The following LINGO2 variants were observed in gnomAD, a reference collection of about 807,000 sequenced individuals.
LINGO2 encodes leucine-rich repeat and immunoglobulin-like domain-containing nogo receptor-interacting protein 2.
LINGO2 carries 14 observed loss-of-function variants against 30.6 expected under a neutral mutation model. The observed-to-expected ratio is 0.46, with a 90% CI of 0.30 to 0.72. The LOEUF (loss-of-function observed/expected upper bound fraction) is 0.72. Among genes scored for constraint, LINGO2 ranks in the 30% least tolerant of loss-of-function variants. The probability of loss-of-function intolerance (pLI) is 0.07; values close to 1 mark genes in which losing one functional copy is unlikely to be tolerated. For synonymous variants in LINGO2, 317 were observed against 288.5 expected, an observed-to-expected ratio of 1.10 and a Z score of -1.00; for missense variants, 729 against 751.7, an observed-to-expected ratio of 0.97 and a Z score of 0.35.
At chr9:28,188,669 T>TA (rs1311747170) in intron 4 of LINGO2, among the ~76,000 whole-genome samples, 1 of 152,190 alleles carries the variant, frequency 6.6e-6, no homozygotes, top group Non-Finnish European at 1.5e-5. Flanking sequence ...TCTTATGTTT[T>TA]CTATAGACAA....
At chr9:28,805,153 A>T in the LINGO2 span, among the ~76,000 whole-genome samples, 1 of 152,204 alleles carries the variant, frequency 6.6e-6, no homozygotes, top group African/African-American at 2.4e-5. Flanking sequence ...TAACATGGAT[A>T]TAACATTCAG....
intron 4 of LINGO2, among the ~76,000 whole-genome samples, chr9:28,231,481 G>A (rs1391694658): frequency 6.6e-6 from 1 of 151,840 alleles, no homozygotes; most frequent in East Asian, 1.9e-4. Flanking sequence ...TTTTTAAAAG[G>A]AAGTATGAAA....
At position 28,500,060 on chromosome 9, in the gene LINGO2, G is replaced by A. The variant is rs149503473; in HGVS notation, c.-364-24035C>T. ...GCAACCTCCGTCTCTAGTTCTCACC[G>A]CTCAGGAGTCATCTGCCCTTCTCCC... On this transcript the variant is annotated intron_variant, in intron 1 of 5. Transcript: ENST00000379992. Among the ~76,000 whole-genome samples, 104 of 152,158 alleles carry A rather than the reference G, an allele frequency of 6.8e-4. 1 individual carries two copies. Among genetic ancestry groups the A allele is most frequent in the East Asian group, 4.8e-3 (25 of 5,184 alleles).
the LINGO2 span, among the ~76,000 whole-genome samples, chr9:28,943,799 G>A: frequency 2.6e-5 from 4 of 152,194 alleles, no homozygotes; most frequent in Non-Finnish European, 2.9e-5. Flanking sequence ...TAAGATGTGC[G>A]AGATGAGATG....
the LINGO2 span, among the ~76,000 whole-genome samples, chr9:29,054,051 A>G: frequency 3.3e-5 from 5 of 152,060 alleles, no homozygotes; most frequent in Admixed American, 3.3e-4. Context: ...TATCTGTGAA[A>G]TTTCTAGAAA....
intron 5 of LINGO2, among the ~76,000 whole-genome samples, chr9:28,002,093 G>A (rs374269819): frequency 2.6e-5 from 4 of 152,178 alleles, no homozygotes; most frequent in South Asian, 4.1e-4. Flanking sequence ...AACCTAGACC[G>A]ATCAATCAGA....
At chr9:27,980,207 C>A (rs776660837) in intron 5 of LINGO2, among the ~76,000 whole-genome samples, 10 of 151,908 alleles carry the variant, frequency 6.6e-5, no homozygotes, top group Non-Finnish European at 1.5e-4. Flanking sequence ...AAACACAGTT[C>A]AAGAAAGACA....
intron 4 of LINGO2, among the ~76,000 whole-genome samples, chr9:28,260,682 C>A (rs1280887532): frequency 2.6e-5 from 4 of 151,832 alleles, no homozygotes; most frequent in African/African-American, 9.7e-5. Flanking sequence ...AGAATTATAC[C>A]TATACCTGTA....
intron 4 of LINGO2, among the ~76,000 whole-genome samples, chr9:28,014,170 C>T (rs1186052105): frequency 1.3e-5 from 2 of 152,082 alleles, no homozygotes; most frequent in Non-Finnish European, 2.9e-5. Context: ...CACATGAACA[C>T]AGTTGGTGCG....
At chr9:28,572,714 A>G (rs768018702) in intron 1 of LINGO2, among the ~76,000 whole-genome samples, 25 of 152,160 alleles carry the variant, frequency 1.6e-4, no homozygotes, top group Non-Finnish European at 2.6e-4. Flanking sequence ...AAGGGGTCTG[A>G]CAGTGACTTT....
intron 4 of LINGO2, among the ~76,000 whole-genome samples, chr9:28,098,252 C>T (rs916704208): frequency 2.0e-5 from 3 of 152,114 alleles, no homozygotes; most frequent in Non-Finnish European, 2.9e-5. Context: ...TTGCAGTGAG[C>T]TGAGATCTTG....
At chr9:29,191,780 G>T in the LINGO2 span, among the ~76,000 whole-genome samples, 1 of 152,102 alleles carries the variant, frequency 6.6e-6, no homozygotes, top group Non-Finnish European at 1.5e-5. Flanking sequence ...CAGGCACAGT[G>T]CTAGGTCCCA....
chr9:28,960,012 T>A, the LINGO2 span, among the ~76,000 whole-genome samples: 1 of 152,266 alleles, frequency 6.6e-6, no homozygotes, highest in Admixed American at 6.5e-5. Flanking sequence ...AATGCTGGTG[T>A]TAAGATTTTC....
chr9:28,579,678 T>C (rs913768957), intron 1 of LINGO2, among the ~76,000 whole-genome samples: 1 of 152,084 alleles, frequency 6.6e-6, no homozygotes, highest in African/African-American at 2.4e-5. Flanking sequence ...AGGCAATATA[T>C]AACAATAAAA....
At chr9:28,582,965 T>G (rs929013644) in intron 1 of LINGO2, among the ~76,000 whole-genome samples, 1 of 151,998 alleles carries the variant, frequency 6.6e-6, no homozygotes, top group Non-Finnish European at 1.5e-5. Flanking sequence ...TGTGTATATG[T>G]GTATACACAA....
chr9:29,183,426 T>C, the LINGO2 span, among the ~76,000 whole-genome samples: 1 of 152,170 alleles, frequency 6.6e-6, no homozygotes, highest in African/African-American at 2.4e-5. Flanking sequence ...CCCAGCATCA[T>C]TTGATAGTGT....
At position 28,148,849 on chromosome 9, in the gene LINGO2, C is replaced by G; in HGVS notation, c.-86-136444G>C. On this transcript the variant is annotated intron_variant, in intron 4 of 5. Transcript: ENST00000379992. The surrounding 1 kb of genome is among the most constrained non-coding windows in gnomAD (Gnocchi z 5.1). Reference sequence around the variant, plus strand: ...TGCTGGGTAAAGACCACCTGCCCAGCTCTCCAGGCTTGCTGATGGTGGGGG... The same window carrying G: ...TGCTGGGTAAAGACCACCTGCCCAGGTCTCCAGGCTTGCTGATGGTGGGGG... 2.0e-6 allele frequency: 3 copies of G among 1,533,722 alleles called. No individual in the cohort carries two copies. In the South Asian group the frequency reaches 3.6e-5, roughly 18 times the overall value.
At chr9:29,185,537 A>T in the LINGO2 span, among the ~76,000 whole-genome samples, 1 of 152,218 alleles carries the variant, frequency 6.6e-6, no homozygotes, top group East Asian at 1.9e-4. Context: ...TAACCTTCTA[A>T]TATCACACAG....
the LINGO2 span, among the ~76,000 whole-genome samples, chr9:28,902,921 A>T: frequency 6.6e-6 from 1 of 152,070 alleles, no homozygotes; most frequent in East Asian, 1.9e-4. Context: ...TACATAAAAA[A>T]TAAGAAATAT....
Sources: gnomAD v4.1 joint callset for allele counts (sites outside exome capture counted in the v4.1 genomes callset) on GRCh38, gnomAD v4.1.1 for gene constraint, Gnocchi (gnomAD v3.1) non-coding constraint, MANE v1.5 for transcripts, NCBI Gene and HGNC (gene_info 2026-07-23, HGNC 2026-07-21) for gene names.